COPG2: variants seen among roughly 807,000 people sequenced by gnomAD.
The protein encoded by COPG2 is coat protein complex I subunit gamma 2.
In COPG2, 37 loss-of-function variants were observed where a neutral mutation model predicts 46.3. The observed-to-expected ratio is 0.80, with a 90% CI of 0.61 to 1.05. COPG2 has a LOEUF of 1.05. COPG2 is among the 50% of genes least tolerant of loss of function. COPG2 has a pLI of 0.00. For missense variants in COPG2, 427 were observed against 387.8 expected (o/e 1.10, Z -0.85); for synonymous variants, 159 against 129.7 (o/e 1.23, Z -1.53).
chr7:130,541,414 A>G (rs1276750337), intron 20 of COPG2, among the ~76,000 whole-genome samples: 1 of 140,240 alleles, frequency 7.1e-6, no homozygotes, highest in East Asian at 2.4e-4. Context: ...TTAAGGAGGG[A>G]GGAGGTGGGA....
intron 5 of COPG2, among the ~76,000 whole-genome samples, chr7:130,626,418 T>C (rs984425938): frequency 6.1e-5 from 9 of 148,496 alleles, no homozygotes; most frequent in Admixed American, 5.3e-4. Context: ...TTTTTTTTTT[T>C]TTTCTATTTT....
intron 12 of COPG2, among the ~76,000 whole-genome samples, chr7:130,558,440 G>A (rs1332517624): frequency 1.3e-5 from 2 of 152,156 alleles, no homozygotes; most frequent in Non-Finnish European, 2.9e-5. Context: ...ATGCTGCCAT[G>A]CTTCCTGTTC....
At chr7:130,525,311 T>C (rs1346853278) in intron 20 of COPG2, among the ~76,000 whole-genome samples, 1 of 152,154 alleles carries the variant, frequency 6.6e-6, no homozygotes, top group Admixed American at 6.5e-5. Context: ...AAAAGTTGGT[T>C]TCATGACCGT....
chr7:130,559,835 TACTA>T (rs1302668221), intron 12 of COPG2, among the ~76,000 whole-genome samples: 14 of 152,216 alleles, frequency 9.2e-5, no homozygotes, highest in African/African-American at 3.4e-4. Context: ...TCTGGATGCA[TACTA>T]AGTAGAGAGT....
At chr7:130,606,581 G>A (rs1371175007) in intron 9 of COPG2, among the ~76,000 whole-genome samples, 2 of 152,218 alleles carry the variant, frequency 1.3e-5, no homozygotes, top group Non-Finnish European at 2.9e-5. Flanking sequence ...ACTTGTAAAC[G>A]ATGAAGTTGG....
At chr7:130,649,834 G>A (rs552602336) in intron 5 of COPG2, among the ~76,000 whole-genome samples, 4 of 152,130 alleles carry the variant, frequency 2.6e-5, no homozygotes, top group South Asian at 2.1e-4. Flanking sequence ...TATTTGTTAC[G>A]GCAGCACCCC....
At chr7:130,518,221 T>C (rs1426010984) in intron 20 of COPG2, among the ~76,000 whole-genome samples, 1 of 152,224 alleles carries the variant, frequency 6.6e-6, no homozygotes, top group Non-Finnish European at 1.5e-5. Flanking sequence ...GTCTCAACTA[T>C]ATGTGCAATA....
At chr7:130,560,843 A>T (rs1283032752) in intron 12 of COPG2, among the ~76,000 whole-genome samples, 190 bp downstream of exon 12, 1 of 152,232 alleles carries the variant, frequency 6.6e-6, no homozygotes, top group Non-Finnish European at 1.5e-5. Context: ...ACCATAAAGC[A>T]TTTAGCCTAA....
At chr7:130,640,979 T>C (rs558352751) in intron 5 of COPG2, among the ~76,000 whole-genome samples, 1 of 151,904 alleles carries the variant, frequency 6.6e-6, no homozygotes, top group South Asian at 2.1e-4. Context: ...GCAGAAAAAC[T>C]ATGCAAATAA....
At chr7:130,648,214 T>G (rs1795657573) in intron 5 of COPG2, among the ~76,000 whole-genome samples, 1 of 152,152 alleles carries the variant, frequency 6.6e-6, no homozygotes, top group South Asian at 2.1e-4. Context: ...TAATATTAGT[T>G]TTCTATTCCT....
intron 5 of COPG2, among the ~76,000 whole-genome samples, chr7:130,649,093 G>T (rs1267505852): frequency 1.3e-5 from 2 of 152,190 alleles, no homozygotes; most frequent in African/African-American, 4.8e-5. Flanking sequence ...ATCTTGCCTA[G>T]ATAATCCCAT....
chr7:130,595,763 T>G (rs1044401354), intron 9 of COPG2, among the ~76,000 whole-genome samples: 1 of 152,126 alleles, frequency 6.6e-6, no homozygotes, highest in Non-Finnish European at 1.5e-5. Context: ...GTCAAGAGTC[T>G]GGACACCGGC....
chr7:130,595,173 T>G (rs543838339), intron 9 of COPG2, among the ~76,000 whole-genome samples: 1 of 152,242 alleles, frequency 6.6e-6, no homozygotes, highest in African/African-American at 2.4e-5. Context: ...AATGTAATAT[T>G]ATTCAGCCAT....
At chr7:130,624,856 C>CATGCA (rs782576851) in intron 5 of COPG2, among the ~76,000 whole-genome samples, 15 of 152,150 alleles carry the variant, frequency 9.9e-5, no homozygotes, top group Non-Finnish European at 1.6e-4. Context: ...CAATTGTGAA[C>CATGCA]TGTGCTGTTA....
At chr7:130,513,359 G>GTA (rs1159332493) in intron 20 of COPG2, among the ~76,000 whole-genome samples, 2,130 of 36,338 alleles carry the variant, frequency 0.059, 103 homozygotes, top group African/African-American at 0.087. Context: ...GTGTGTGTGT[G>GTA]TATATATATA....
intron 20 of COPG2, chr7:130,546,661 C>T (rs1449155685): frequency 6.6e-6 from 1 of 152,200 alleles, no homozygotes; most frequent in Non-Finnish European, 1.5e-5. Context: ...CCTAGTCTAT[C>T]ACCCAACACA....
intron 20 of COPG2, among the ~76,000 whole-genome samples, chr7:130,534,409 C>G (rs1799859248): frequency 6.6e-6 from 1 of 152,114 alleles, no homozygotes; most frequent in Non-Finnish European, 1.5e-5. Flanking sequence ...GCAGTAATCA[C>G]TTAATCCTTG....
intron 20 of COPG2, among the ~76,000 whole-genome samples, chr7:130,531,261 GATTATAT>G (rs1266327367): frequency 6.6e-6 from 1 of 151,834 alleles, no homozygotes; most frequent in Non-Finnish European, 1.5e-5. Flanking sequence ...TTAACTGATA[GATTATAT>G]ATGTTCAGGG....
intron 5 of COPG2, among the ~76,000 whole-genome samples, chr7:130,647,549 T>C (rs1313162317): frequency 6.6e-6 from 1 of 152,064 alleles, no homozygotes; most frequent in Non-Finnish European, 1.5e-5. Flanking sequence ...GGTATATAAT[T>C]AACTTTATAA....
Sources: gnomAD v4.1 joint callset for allele counts (sites outside exome capture counted in the v4.1 genomes callset) on GRCh38, gnomAD v4.1.1 for gene constraint, MANE v1.5 for transcripts, NCBI Gene and HGNC (gene_info 2026-07-23, HGNC 2026-07-21) for gene names.